Variants in TFPI observed in about 807,000 individuals in gnomAD.
The protein encoded by TFPI is tissue factor pathway inhibitor, also known as anti-convertin.
Under a neutral mutation model 34.6 loss-of-function variants are expected in TFPI, and 15 were observed. That is an observed-to-expected ratio of 0.43 (90% CI 0.29 to 0.67). The LOEUF (loss-of-function observed/expected upper bound fraction) is 0.67, where lower values mean the gene tolerates loss of function less well. Ranked by LOEUF, TFPI falls within the 30% of genes least tolerant of loss-of-function variation. The pLI is 0.15. For missense variants in TFPI, 301 were observed against 364.0 expected (o/e 0.83, Z 1.41); for synonymous variants, 105 against 120.1 (o/e 0.87, Z 0.82).
At position 187,474,997 on chromosome 2, in the gene TFPI, A is replaced by G. The variant is rs545558091; in HGVS notation, c.629-7065T>C. On this transcript the variant is annotated intron_variant, in intron 6 of 7. Transcript: ENST00000233156. ...CATTGTTTAATGAATGTAAAATGTTATTGTGACTCTGTTCTCCCGTAACCC... is the reference window on the plus strand; with the variant it reads ...CATTGTTTAATGAATGTAAAATGTTGTTGTGACTCTGTTCTCCCGTAACCC... 3.3e-4 allele frequency among the ~76,000 whole-genome samples: 51 copies of G among 152,306 alleles called. No individual in the cohort carries two copies. In the South Asian group the frequency reaches 0.01, roughly 30 times the overall value.
chr2:187,547,044 A>G (rs1374182594), intron 1 of TFPI: 1 of 152,204 alleles, frequency 6.6e-6, no homozygotes, highest in Non-Finnish European at 1.5e-5. Flanking sequence ...TTTCTCCTGA[A>G]GGCCTGTTTC....
At chr2:187,522,026 G>A (rs909571845) in intron 1 of TFPI, among the ~76,000 whole-genome samples, 6 of 151,876 alleles carry the variant, frequency 4.0e-5, no homozygotes, top group South Asian at 2.1e-4. Flanking sequence ...TTATTTGTAC[G>A]TCTTCTTCGG....
At chr2:187,482,199 C>T (rs1011912908) in intron 6 of TFPI, among the ~76,000 whole-genome samples, 3 of 151,954 alleles carry the variant, frequency 2.0e-5, no homozygotes, top group African/African-American at 7.2e-5. Flanking sequence ...ATAATTCAAA[C>T]AAAAGTATTC....
At chr2:187,531,596 A>C (rs770272740) in intron 1 of TFPI, among the ~76,000 whole-genome samples, 1 of 152,132 alleles carries the variant, frequency 6.6e-6, no homozygotes, top group Non-Finnish European at 1.5e-5. Context: ...TTATATGATC[A>C]TGATAATCGT....
intron 2 of TFPI, 118 bp downstream of exon 2, chr2:187,503,530 A>G (rs1685993229): frequency 6.2e-6 from 8 of 1,292,254 alleles, no homozygotes; most frequent in Non-Finnish European, 7.5e-6. Context: ...TTTCCAAAGA[A>G]AAATATCACT....
At chr2:187,530,118 G>C (rs1365487654) in intron 1 of TFPI, among the ~76,000 whole-genome samples, 2 of 152,154 alleles carry the variant, frequency 1.3e-5, no homozygotes, top group African/African-American at 4.8e-5. Flanking sequence ...AGGGAAAACA[G>C]ATCCTCACCT....
intron 1 of TFPI, among the ~76,000 whole-genome samples, chr2:187,543,283 G>T (rs1230777712): frequency 1.3e-5 from 2 of 152,124 alleles, no homozygotes; most frequent in African/African-American, 4.8e-5. Flanking sequence ...CATAATTAAA[G>T]TTATTAGATA....
intron 1 of TFPI, among the ~76,000 whole-genome samples, chr2:187,524,501 CA>C (rs1485477377): frequency 2.0e-5 from 3 of 151,966 alleles, no homozygotes; most frequent in African/African-American, 7.3e-5. Context: ...ACATAGGATT[CA>C]CAACTCTGTG....
intron 6 of TFPI, among the ~76,000 whole-genome samples, chr2:187,468,724 G>A (rs1691859132): frequency 6.6e-6 from 1 of 152,060 alleles, no homozygotes; most frequent in Admixed American, 6.6e-5. Context: ...AGAGAAATTA[G>A]TTTCAGCTGA....
chr2:187,474,510 A>G (rs766014939), intron 6 of TFPI, among the ~76,000 whole-genome samples: 1 of 152,196 alleles, frequency 6.6e-6, no homozygotes, highest in Admixed American at 6.5e-5. Flanking sequence ...AGCCACTGAA[A>G]TTATTGAATA....
Position 187,503,775 on chromosome 2 carries a change from A to C in TFPI, c.-2-5T>G, listed in dbSNP as rs762998568. 6.2e-7 allele frequency: 1 copy of C among 1,612,080 alleles called. No individual in the cohort carries two copies. Among genetic ancestry groups the C allele is most frequent in the South Asian group, 1.1e-5 (1 of 90,930 alleles). ...TCTTCATTGTGTAAATCATCTCTGA[A>C]ATACAGAACCCATACATATCTAATA... On this transcript the variant is annotated splice_region_variant and splice_polypyrimidine_tract_variant and intron_variant, in intron 1 of 7. Transcript: ENST00000233156.
At chr2:187,517,094 T>C (rs1687061136) in intron 1 of TFPI, 2 of 152,176 alleles carry the variant, frequency 1.3e-5, no homozygotes, top group Non-Finnish European at 2.9e-5. Flanking sequence ...AAAAGTAAAA[T>C]TGCCTTACTA....
chr2:187,534,149 G>A (rs1023171748), intron 1 of TFPI, among the ~76,000 whole-genome samples: 3 of 152,318 alleles, frequency 2.0e-5, no homozygotes, highest in Non-Finnish European at 2.9e-5. Context: ...CACTCTTCAG[G>A]ATATTATCCA....
At chr2:187,514,977 C>T (rs1428434732) in intron 1 of TFPI, 1 of 152,254 alleles carries the variant, frequency 6.6e-6, no homozygotes, top group East Asian at 1.9e-4. Context: ...AAGAAAAACT[C>T]ATGTCGGCCC....
intron 3 of TFPI, among the ~76,000 whole-genome samples, chr2:187,490,546 A>G (rs1034045163): frequency 6.6e-6 from 1 of 151,522 alleles, no homozygotes; most frequent in Non-Finnish European, 1.5e-5. Context: ...CATTCTTATG[A>G]TTAGTGCTTA....
chr2:187,521,080 T>C (rs1687346580), intron 1 of TFPI, among the ~76,000 whole-genome samples: 1 of 152,096 alleles, frequency 6.6e-6, no homozygotes, highest in Admixed American at 6.5e-5. Context: ...GAAACCCAGA[T>C]CTGGGCACTA....
At chr2:187,547,095 T>G (rs1200334327) in intron 1 of TFPI, 2 of 143,610 alleles carry the variant, frequency 1.4e-5, no homozygotes, top group Admixed American at 1.4e-4. Flanking sequence ...CATTGGAGAC[T>G]TCTCAACTTT....
chr2:187,532,929 C>T (rs867210888), intron 1 of TFPI, among the ~76,000 whole-genome samples: 7 of 152,256 alleles, frequency 4.6e-5, no homozygotes, highest in Middle Eastern at 3.4e-3. Context: ...CTTGAGTAGC[C>T]GGTTTTCCCC....
intron 3 of TFPI, among the ~76,000 whole-genome samples, chr2:187,492,684 C>A (rs1685199976): frequency 1.3e-5 from 2 of 152,146 alleles, no homozygotes; most frequent in Admixed American, 1.3e-4. Context: ...GACTGCCCTG[C>A]TGGATTTTGG....
Sources: allele counts gnomAD v4.1 joint callset (sites outside exome capture counted in the v4.1 genomes callset), GRCh38; gene constraint gnomAD v4.1.1; transcripts MANE v1.5; gene names NCBI Gene and HGNC (gene_info 2026-07-23, HGNC 2026-07-21).